The following UNC5D variants were observed in gnomAD, a reference collection of about 807,000 sequenced individuals.
UNC5D encodes the protein netrin receptor UNC5D.
UNC5D carries 39 observed loss-of-function variants against 105.4 expected under a neutral mutation model. The observed-to-expected ratio is 0.37, with a 90% CI of 0.29 to 0.48. The LOEUF is 0.48. UNC5D is among the 20% of genes least tolerant of loss of function. UNC5D has a pLI of 0.98. For missense variants in UNC5D, 991 were observed against 1,202.4 expected (o/e 0.82, Z 2.60); for synonymous variants, 452 against 450.4 (o/e 1.00, Z -0.04).
intron 1 of UNC5D, among the ~76,000 whole-genome samples, chr8:35,442,667 T>G (rs1017227272): frequency 1.3e-5 from 2 of 151,922 alleles, no homozygotes; most frequent in African/African-American, 4.8e-5. Context: ...CACAACAAAA[T>G]TCACCAATGA....
chr8:35,663,973 A>T (rs1050743987), intron 4 of UNC5D, among the ~76,000 whole-genome samples: 3 of 152,176 alleles, frequency 2.0e-5, no homozygotes, highest in Non-Finnish European at 4.4e-5. Flanking sequence ...CACCAGCCAG[A>T]TGTTGAACTT....
At chr8:35,439,655 G>A (rs1344802135) in intron 1 of UNC5D, among the ~76,000 whole-genome samples, 2 of 152,018 alleles carry the variant, frequency 1.3e-5, no homozygotes, top group African/African-American at 4.8e-5. Flanking sequence ...AGGTATATCT[G>A]AGTTCTTTGT....
intron 1 of UNC5D, among the ~76,000 whole-genome samples, chr8:35,475,309 TC>T (rs1263612385): frequency 6.6e-6 from 1 of 152,128 alleles, no homozygotes; most frequent in Non-Finnish European, 1.5e-5. Context: ...CCACATTCTG[TC>T]CATTTTTGTT....
chr8:35,284,457 A>G (rs1214771971), intron 1 of UNC5D, among the ~76,000 whole-genome samples: 1 of 152,208 alleles, frequency 6.6e-6, no homozygotes, highest in Non-Finnish European at 1.5e-5. Flanking sequence ...ACAATTTCAC[A>G]GTTATCTTTA....
chr8:35,235,709 G>C lies in UNC5D; in HGVS notation c.-76G>C. ...AAGACTCCCGAGACCCATTCGACTC[G>C]GGACCCTCATCGCCGACCCTTTCCC... is the stretch of plus-strand genomic sequence containing the variant. On this transcript the variant is annotated 5_prime_UTR_variant, in exon 1 of 17. Coordinates refer to ENST00000404895, the MANE Select transcript of UNC5D (RefSeq NM_080872.4). 1.8e-6 allele frequency: 2 copies of C among 1,118,112 alleles called. No individual in the cohort carries two copies. Among genetic ancestry groups the C allele is most frequent in the Admixed American group, 4.3e-5 (1 of 23,326 alleles). 69.3% of individuals were successfully genotyped at this position (1,118,112 alleles called of 1,614,324 possible).
At chr8:35,503,316 C>T (rs1369492072) in intron 1 of UNC5D, among the ~76,000 whole-genome samples, 1 of 152,110 alleles carries the variant, frequency 6.6e-6, no homozygotes, top group Non-Finnish European at 1.5e-5. Context: ...TTCCACGTAG[C>T]TGGGGAGGCC....
intron 1 of UNC5D, among the ~76,000 whole-genome samples, chr8:35,489,239 C>T (rs924650816): frequency 1.3e-5 from 2 of 152,068 alleles, no homozygotes; most frequent in African/African-American, 4.8e-5. Flanking sequence ...AACCCCTGAC[C>T]TCAGGTGATC....
At chr8:35,398,914 G>A (rs1804268304) in intron 1 of UNC5D, among the ~76,000 whole-genome samples, 1 of 151,998 alleles carries the variant, frequency 6.6e-6, no homozygotes, top group South Asian at 2.1e-4. Flanking sequence ...CTAACACTTT[G>A]GGAGGCTGAG....
intron 4 of UNC5D, among the ~76,000 whole-genome samples, chr8:35,675,496 A>T (rs2131298573): frequency 6.6e-6 from 1 of 152,328 alleles, no homozygotes. Context: ...TAGAAATCAT[A>T]AAGCTGAGGT....
intron 1 of UNC5D, among the ~76,000 whole-genome samples, chr8:35,337,830 T>C (rs1444983817): frequency 6.6e-6 from 1 of 152,204 alleles, no homozygotes; most frequent in Non-Finnish European, 1.5e-5. Context: ...GTGGTAATCA[T>C]ATTTTTAGTT....
chr8:35,448,438 C>T (rs1158013454), intron 1 of UNC5D, among the ~76,000 whole-genome samples: 2 of 151,876 alleles, frequency 1.3e-5, no homozygotes, highest in African/African-American at 2.4e-5. Flanking sequence ...CCAGTATAGA[C>T]ATTACTTGAC....
rs34458489 is a variant in UNC5D at position 35,332,748 on chromosome 8, G to T, written c.103+96861G>T. Among the ~76,000 whole-genome samples the T allele has an allele frequency of 2.0e-5, 3 of 152,134 alleles. No individual in the cohort carries two copies. The South Asian group carries it at 6.2e-4, about 32-fold the overall frequency. On this transcript the variant is annotated intron_variant, in intron 1 of 16. Transcript: ENST00000404895. ...GCCACAGCTGATTAGTGCTAAATGCGTGCCGGTCCCCACTCTTACATGAAC... is the reference window on the plus strand; with the variant it reads ...GCCACAGCTGATTAGTGCTAAATGCTTGCCGGTCCCCACTCTTACATGAAC...
At chr8:35,408,615 T>G (rs75600167) in intron 1 of UNC5D, among the ~76,000 whole-genome samples, 1 of 151,876 alleles carries the variant, frequency 6.6e-6, no homozygotes, top group East Asian at 1.9e-4. Flanking sequence ...TTATTTTGTG[T>G]GTATGTGGGA....
chr8:35,408,554 C>T (rs1267282619), intron 1 of UNC5D, among the ~76,000 whole-genome samples: 5 of 151,382 alleles, frequency 3.3e-5, no homozygotes, highest in Admixed American at 6.6e-5. Flanking sequence ...TTTCTGCTGA[C>T]GTTTCGCTGC....
At chr8:35,683,301 CAA>C (rs1281399770) in intron 4 of UNC5D, among the ~76,000 whole-genome samples, 32 of 152,144 alleles carry the variant, frequency 2.1e-4, no homozygotes, top group African/African-American at 7.5e-4. Context: ...GAAAATGGGT[CAA>C]AGTCAATGTA....
chr8:35,683,789 G>A, intron 5 of UNC5D, 62 bp downstream of exon 5: 2 of 1,389,056 alleles, frequency 1.4e-6, no homozygotes, highest in Non-Finnish European at 1.9e-6. Context: ...AGGGATGTGT[G>A]TTTTATTAAA....
At chr8:35,352,668 A>G (rs1311506640) in intron 1 of UNC5D, among the ~76,000 whole-genome samples, 2 of 152,142 alleles carry the variant, frequency 1.3e-5, no homozygotes, top group African/African-American at 2.4e-5. Context: ...GCTGGAGTAC[A>G]GTAGCACAAT....
chr8:35,503,395 C>T (rs185855210), intron 1 of UNC5D, among the ~76,000 whole-genome samples: 20 of 152,300 alleles, frequency 1.3e-4, no homozygotes, highest in African/African-American at 3.4e-4. Context: ...ATAAAGCCAT[C>T]AGATCTCCTG....
chr8:35,260,710 C>T (rs1477861608), intron 1 of UNC5D, among the ~76,000 whole-genome samples: 1 of 152,206 alleles, frequency 6.6e-6, no homozygotes. Context: ...GGAATCCACA[C>T]ACGTCTGCCT....
Sources: gnomAD v4.1 joint callset for allele counts (sites outside exome capture counted in the v4.1 genomes callset) on GRCh38, gnomAD v4.1.1 for gene constraint, MANE v1.5 for transcripts, NCBI Gene and HGNC (gene_info 2026-07-23, HGNC 2026-07-21) for gene names.